The following COX7B2 variants were observed in gnomAD, a reference collection of about 807,000 sequenced individuals.
COX7B2 encodes cytochrome c oxidase subunit 7B2, mitochondrial.
For synonymous variants in COX7B2, 37 were observed against 32.1 expected (o/e 1.15, Z -0.51); for missense variants, 109 against 95.9 (o/e 1.14, Z -0.57).
intron 2 of COX7B2, among the ~76,000 whole-genome samples, chr4:46,794,941 T>C (rs1164850730): frequency 6.6e-6 from 1 of 152,196 alleles, no homozygotes; most frequent in Non-Finnish European, 1.5e-5. Context: ...CCTCAGTGAA[T>C]TCCCAGATTA....
intron 1 of COX7B2, among the ~76,000 whole-genome samples, chr4:46,881,305 C>A (rs554392746): frequency 6.6e-6 from 1 of 152,282 alleles, no homozygotes; most frequent in African/African-American, 2.4e-5. Context: ...AAAGGCAGGA[C>A]AACTGGAAGC....
intron 2 of COX7B2, among the ~76,000 whole-genome samples, chr4:46,737,541 T>C (rs1326760451): frequency 1.3e-5 from 2 of 152,112 alleles, no homozygotes; most frequent in African/African-American, 2.4e-5. Flanking sequence ...TAAGTGAATA[T>C]TGGTATCCTC....
intron 2 of COX7B2, among the ~76,000 whole-genome samples, chr4:46,827,847 A>G (rs757835610): frequency 2.6e-5 from 4 of 152,180 alleles, no homozygotes; most frequent in Non-Finnish European, 5.9e-5. Context: ...TACAAATTAC[A>G]TGGTTCCATT....
At chr4:46,737,621 C>T (rs546811428) in intron 2 of COX7B2, among the ~76,000 whole-genome samples, 54 of 152,148 alleles carry the variant, frequency 3.5e-4, no homozygotes, top group Non-Finnish European at 6.9e-4. Context: ...TTCATAATAG[C>T]CAAAATTATT....
At chr4:46,850,398 A>C (rs1440815822) in intron 1 of COX7B2, among the ~76,000 whole-genome samples, 1 of 152,096 alleles carries the variant, frequency 6.6e-6, no homozygotes, top group Non-Finnish European at 1.5e-5. Flanking sequence ...TCATTAGGAC[A>C]AGCTGGTGAG....
chr4:46,884,729 T>C (rs546972791), intron 1 of COX7B2, among the ~76,000 whole-genome samples: 17 of 152,212 alleles, frequency 1.1e-4, no homozygotes, highest in Non-Finnish European at 2.1e-4. Flanking sequence ...TGAGCAGTTT[T>C]CTTAATCTTT....
chr4:46,792,173 A>C lies in COX7B2; in HGVS notation c.-50+52787T>G, dbSNP rs561691572. Among the ~76,000 whole-genome samples the C allele has an allele frequency of 2.0e-5, 3 of 152,330 alleles. No homozygotes were observed. In the South Asian group the frequency reaches 6.2e-4, roughly 32 times the overall value. ...CTAAGACCTTCACCTTCAGATGATTAATCAAGCAATTCTATACTGACTAAG... is the reference window on the plus strand; with the variant it reads ...CTAAGACCTTCACCTTCAGATGATTCATCAAGCAATTCTATACTGACTAAG... On this transcript the variant is annotated intron_variant, in intron 2 of 2. Transcript: ENST00000355591.
chr4:46,791,990 G>A (rs1718074640), intron 2 of COX7B2, among the ~76,000 whole-genome samples: 1 of 152,190 alleles, frequency 6.6e-6, no homozygotes, highest in African/African-American at 2.4e-5. Flanking sequence ...CAGAGCCAAA[G>A]AGGATCTTAA....
At chr4:46,895,213 A>C (rs939385772) in intron 1 of COX7B2, among the ~76,000 whole-genome samples, 1 of 152,226 alleles carries the variant, frequency 6.6e-6, no homozygotes, top group Non-Finnish European at 1.5e-5. Context: ...CACTATTTGC[A>C]ATAGCAAAAA....
At chr4:46,765,688 T>C (rs1245535083) in intron 2 of COX7B2, among the ~76,000 whole-genome samples, 2 of 151,894 alleles carry the variant, frequency 1.3e-5, no homozygotes, top group South Asian at 2.1e-4. Flanking sequence ...GCCCAGCCGA[T>C]GTGGCCCCAG....
chr4:46,892,319 C>T (rs1719474463), intron 1 of COX7B2, among the ~76,000 whole-genome samples: 1 of 152,186 alleles, frequency 6.6e-6, no homozygotes, highest in African/African-American at 2.4e-5. Context: ...AGACATGTCA[C>T]ATGAGTTATT....
At chr4:46,812,548 G>T (rs1175365865) in intron 2 of COX7B2, among the ~76,000 whole-genome samples, 2 of 152,090 alleles carry the variant, frequency 1.3e-5, no homozygotes, top group Non-Finnish European at 2.9e-5. Flanking sequence ...GACTTTATAA[G>T]GCCAGGTATA....
chr4:46,871,299 T>C (rs1291247404), intron 1 of COX7B2, among the ~76,000 whole-genome samples: 1 of 152,112 alleles, frequency 6.6e-6, no homozygotes, highest in East Asian at 1.9e-4. Context: ...CTGCAGAAGA[T>C]TGAAGCTGCA....
intron 2 of COX7B2, among the ~76,000 whole-genome samples, chr4:46,778,946 A>C (rs1051711805): frequency 6.6e-6 from 1 of 152,182 alleles, no homozygotes; most frequent in Non-Finnish European, 1.5e-5. Flanking sequence ...ATGCATCTAA[A>C]AATACAATAT....
Position 46,873,968 on chromosome 4 carries a change from C to T in COX7B2, c.-104-28954G>A, listed in dbSNP as rs181779031. On this transcript the variant is annotated intron_variant, in intron 1 of 2. Transcript: ENST00000355591. ...TTCTTTGTTATTTAAGCCACAGTGC[C>T]ATTCTACTAGTTAAATTATCAGGAG... Among the ~76,000 whole-genome samples the T allele has an allele frequency of 3.1e-3, 474 of 152,214 alleles. 3 individuals carry two copies. The highest frequency in any genetic ancestry group is 6.8e-3 in the Middle Eastern group (2 of 294).
intron 1 of COX7B2, among the ~76,000 whole-genome samples, chr4:46,895,431 T>C (rs1719699883): frequency 6.6e-6 from 1 of 151,986 alleles, no homozygotes; most frequent in African/African-American, 2.4e-5. Context: ...AAGTGGGAGC[T>C]AAATGATGAG....
chr4:46,798,782 T>G (rs148373255), intron 2 of COX7B2, among the ~76,000 whole-genome samples: 33 of 152,266 alleles, frequency 2.2e-4, no homozygotes, highest in Non-Finnish European at 4.6e-4. Flanking sequence ...AGAAGTGATA[T>G]ATACATGATG....
intron 2 of COX7B2, among the ~76,000 whole-genome samples, chr4:46,844,545 A>C (rs1348695608): frequency 1.3e-5 from 2 of 151,996 alleles, no homozygotes; most frequent in Non-Finnish European, 2.9e-5. Flanking sequence ...GATGGATGGC[A>C]TATTTTAAGA....
intron 1 of COX7B2, among the ~76,000 whole-genome samples, chr4:46,869,348 T>C (rs1717855010): frequency 6.6e-6 from 1 of 152,162 alleles, no homozygotes; most frequent in Non-Finnish European, 1.5e-5. Context: ...GTCTTTTAAG[T>C]GGTGCATTTA....
Sources: gnomAD v4.1 joint callset for allele counts (sites outside exome capture counted in the v4.1 genomes callset) on GRCh38, gnomAD v4.1.1 for gene constraint, MANE v1.5 for transcripts, NCBI Gene and HGNC (gene_info 2026-07-23, HGNC 2026-07-21) for gene names.